The following CDKAL1 variants were observed in gnomAD, a reference collection of about 807,000 sequenced individuals.
The protein encoded by CDKAL1 is CDKAL1 threonylcarbamoyladenosine tRNA methylthiotransferase, also known as threonylcarbamoyladenosine tRNA methylthiotransferase.
A neutral mutation model predicts 68.2 loss-of-function variants in CDKAL1; 32 were observed. The ratio of observed to expected loss-of-function variants is 0.47; its 90% CI spans 0.35 to 0.63. The LOEUF is 0.63. Ranked by LOEUF, CDKAL1 falls within the 30% of genes least tolerant of loss-of-function variation. CDKAL1 has a pLI of 0.00. For missense variants in CDKAL1, 606 were observed against 696.7 expected (o/e 0.87, Z 1.47); for synonymous variants, 234 against 244.3 (o/e 0.96, Z 0.39).
At chr6:21,069,191 T>C (rs1037926088) in intron 12 of CDKAL1, among the ~76,000 whole-genome samples, 25 of 152,308 alleles carry the variant, frequency 1.6e-4, no homozygotes, top group African/African-American at 5.8e-4. Context: ...CTGGCAAGAA[T>C]GTTCAGTACA....
At chr6:20,929,812 C>A (rs1763347618) in intron 9 of CDKAL1, among the ~76,000 whole-genome samples, 1 of 152,132 alleles carries the variant, frequency 6.6e-6, no homozygotes. Context: ...CAGCTGAGGG[C>A]TGACTCAGTC....
chr6:20,782,570 T>C (rs991162434), intron 8 of CDKAL1, among the ~76,000 whole-genome samples: 1 of 152,224 alleles, frequency 6.6e-6, no homozygotes, highest in African/African-American at 2.4e-5. Flanking sequence ...GCAAACTTTC[T>C]AACATTCCTT....
At chr6:20,603,239 T>G (rs1189386303) in intron 4 of CDKAL1, among the ~76,000 whole-genome samples, 2 of 152,214 alleles carry the variant, frequency 1.3e-5, no homozygotes, top group Non-Finnish European at 2.9e-5. Context: ...CTTTTGACTT[T>G]GCTAGAGACT....
chr6:20,816,236 A>T (rs1376946008), intron 8 of CDKAL1, among the ~76,000 whole-genome samples: 7 of 151,982 alleles, frequency 4.6e-5, no homozygotes, highest in African/African-American at 1.7e-4. Flanking sequence ...TTTTCAAATA[A>T]AGTCACATTC....
At chr6:20,935,355 A>G (rs1257360180) in intron 9 of CDKAL1, among the ~76,000 whole-genome samples, 1 of 152,136 alleles carries the variant, frequency 6.6e-6, no homozygotes, top group African/African-American at 2.4e-5. Flanking sequence ...TTCTTTGGAA[A>G]CCAGATCCTT....
intron 13 of CDKAL1, among the ~76,000 whole-genome samples, chr6:21,197,450 A>G (rs2125571): frequency 3.3e-5 from 5 of 152,228 alleles, no homozygotes; most frequent in African/African-American, 9.6e-5. Flanking sequence ...GAGAAAATGT[A>G]TATAATAAGT....
At chr6:20,815,890 C>T (rs929710512) in intron 8 of CDKAL1, among the ~76,000 whole-genome samples, 1 of 152,122 alleles carries the variant, frequency 6.6e-6, no homozygotes, top group African/African-American at 2.4e-5. Flanking sequence ...AATATCACAA[C>T]CTGGGTGGTT....
intron 10 of CDKAL1, among the ~76,000 whole-genome samples, chr6:20,956,112 C>T (rs1212314524): frequency 6.6e-6 from 1 of 152,188 alleles, no homozygotes; most frequent in Non-Finnish European, 1.5e-5. Flanking sequence ...TTGATTTGCA[C>T]ATGCATTACT....
At chr6:20,628,611 G>A (rs1211853691) in intron 4 of CDKAL1, among the ~76,000 whole-genome samples, 1 of 151,462 alleles carries the variant, frequency 6.6e-6, no homozygotes, top group African/African-American at 2.4e-5. Flanking sequence ...ATCTTTGTCG[G>A]TTCTGCCACT....
At chr6:20,783,848 G>A (rs1328191756) in intron 8 of CDKAL1, among the ~76,000 whole-genome samples, 2 of 152,080 alleles carry the variant, frequency 1.3e-5, no homozygotes, top group African/African-American at 4.8e-5. Flanking sequence ...TTGTCCCTCG[G>A]TATCTGTAGG....
chr6:20,966,317 A>AT (rs780387905), intron 10 of CDKAL1, among the ~76,000 whole-genome samples: 10 of 152,228 alleles, frequency 6.6e-5, no homozygotes, highest in Non-Finnish European at 1.2e-4. Context: ...AAGTTCAAAA[A>AT]TTCTTTAATA....
At chr6:21,066,411 A>C (rs569893020) in intron 12 of CDKAL1, among the ~76,000 whole-genome samples, 12 of 152,352 alleles carry the variant, frequency 7.9e-5, no homozygotes, top group African/African-American at 2.9e-4. Context: ...CAAACATAAA[A>C]AGATGCCAAA....
chr6:20,844,010 C>G (rs530878579), intron 8 of CDKAL1, among the ~76,000 whole-genome samples: 370 of 152,166 alleles, frequency 2.4e-3, no homozygotes, highest in Non-Finnish European at 3.7e-3. Flanking sequence ...CCCTGGTCTT[C>G]CAGTGTACCA....
Position 21,192,782 on chromosome 6 carries a change from T to C in CDKAL1, c.1300-5239T>C, listed in dbSNP as rs537181628. 1.1e-3 allele frequency among the ~76,000 whole-genome samples: 170 copies of C among 151,102 alleles called. 3 individuals are homozygous for C. Among genetic ancestry groups the C allele is most frequent in the African/African-American group, 4.0e-3 (165 of 41,202 alleles). On this transcript the variant is annotated intron_variant, in intron 13 of 15. Transcript: ENST00000274695. ...AAGGAAAAGGACATCTTTCTTAGGA[T>C]TACAAGAAAATACTTTGTTGAGAGT...
At chr6:20,556,217 T>G (rs1053794662) in intron 4 of CDKAL1, among the ~76,000 whole-genome samples, 2 of 151,968 alleles carry the variant, frequency 1.3e-5, no homozygotes, top group African/African-American at 4.8e-5. Context: ...ATACAAAAAT[T>G]AGCCTGGTAT....
chr6:20,958,257 C>G (rs1764886005), intron 10 of CDKAL1, among the ~76,000 whole-genome samples: 1 of 152,154 alleles, frequency 6.6e-6, no homozygotes, highest in South Asian at 2.1e-4. Flanking sequence ...AAGGTCTACA[C>G]CATCTCAAAG....
intron 11 of CDKAL1, among the ~76,000 whole-genome samples, chr6:21,063,103 C>G (rs1177958787): frequency 6.6e-6 from 1 of 151,990 alleles, no homozygotes; most frequent in African/African-American, 2.4e-5. Flanking sequence ...TTAGTAGAGA[C>G]AGGGTTTCAC....
chr6:20,985,804 A>T (rs995527405), intron 10 of CDKAL1, among the ~76,000 whole-genome samples: 15 of 149,154 alleles, frequency 1.0e-4, no homozygotes, highest in Admixed American at 6.6e-4. Flanking sequence ...CCCTGCCTCA[A>T]AAAAAAAAAA....
intron 4 of CDKAL1, among the ~76,000 whole-genome samples, chr6:20,572,471 C>A (rs550578234): frequency 1.8e-4 from 27 of 152,254 alleles, no homozygotes; most frequent in Middle Eastern, 6.8e-3. Flanking sequence ...TTTTGACATG[C>A]ACATAGTCAA....
Sources: allele counts gnomAD v4.1 joint callset (sites outside exome capture counted in the v4.1 genomes callset), GRCh38; gene constraint gnomAD v4.1.1; transcripts MANE v1.5; gene names NCBI Gene and HGNC (gene_info 2026-07-23, HGNC 2026-07-21).